Variants in TLK1 observed in about 807,000 individuals in gnomAD.
The protein encoded by TLK1 is serine/threonine-protein kinase tousled-like 1.
Under a neutral mutation model 105.3 loss-of-function variants are expected in TLK1, and 24 were observed. The observed-to-expected ratio is 0.23, with a 90% CI of 0.17 to 0.32. The LOEUF (loss-of-function observed/expected upper bound fraction) is 0.32, where lower values mean the gene tolerates loss of function less well. TLK1 is among the 10% of genes least tolerant of loss of function. TLK1 has a pLI of 1.00. For synonymous variants in TLK1, 321 were observed against 310.4 expected, an observed-to-expected ratio of 1.03 and a Z score of -0.36; for missense variants, 558 against 910.5, an observed-to-expected ratio of 0.61 and a Z score of 4.98.
At chr2:171,177,602 A>C (rs34453397) in intron 1 of TLK1, among the ~76,000 whole-genome samples, 32,239 of 152,090 alleles carry the variant, frequency 0.21, 4,100 homozygotes, top group Non-Finnish European at 0.29. Flanking sequence ...GTCATCAAAG[A>C]TATACTTTAC....
chr2:171,161,974 G>A (rs958371224), upstream of TLK1, among the ~76,000 whole-genome samples: 2 of 152,186 alleles, frequency 1.3e-5, no homozygotes, highest in Non-Finnish European at 2.9e-5. Flanking sequence ...CAGACAAGAG[G>A]AAATGGCATG....
At chr2:171,023,768 TTA>T (rs1685645041) in intron 12 of TLK1, among the ~76,000 whole-genome samples, 1 of 152,212 alleles carries the variant, frequency 6.6e-6, no homozygotes, top group Non-Finnish European at 1.5e-5. Context: ...GATTGTATTT[TTA>T]GTTTTATGTG....
intron 1 of TLK1, among the ~76,000 whole-genome samples, chr2:171,155,260 C>T (rs1414073946): frequency 1.3e-5 from 2 of 151,970 alleles, no homozygotes; most frequent in Non-Finnish European, 2.9e-5. Context: ...GAAAATCAGC[C>T]CCCATAGTAT....
intron 8 of TLK1, among the ~76,000 whole-genome samples, chr2:171,051,528 T>A (rs182966818): frequency 7.2e-5 from 11 of 152,168 alleles, no homozygotes; most frequent in African/African-American, 2.7e-4. Context: ...AATAGATATA[T>A]TGAACCTTGA....
At chr2:171,076,895 C>T (rs1048383255) in intron 3 of TLK1, among the ~76,000 whole-genome samples, 15 of 151,342 alleles carry the variant, frequency 9.9e-5, no homozygotes, top group Non-Finnish European at 2.2e-4. Context: ...GCCTAGGCAA[C>T]GAGTGAGACT....
intron 13 of TLK1, among the ~76,000 whole-genome samples, chr2:171,011,932 G>T (rs986641361): frequency 1.3e-5 from 2 of 151,146 alleles, no homozygotes; most frequent in Non-Finnish European, 3.0e-5. Flanking sequence ...ATTTTAAAAA[G>T]ATTTTTTAAA....
intron 11 of TLK1, among the ~76,000 whole-genome samples, chr2:171,035,663 G>C (rs1686294138): frequency 6.6e-6 from 1 of 152,166 alleles, no homozygotes; most frequent in African/African-American, 2.4e-5. Flanking sequence ...AAAATTAAGG[G>C]TAGCAGGTGA....
rs919849849 is a variant in TLK1, at chr2:171,129,655, C to T, written c.140-11798G>A. 2.6e-5 allele frequency among the ~76,000 whole-genome samples: 4 copies of T among 151,808 alleles called. No individual in the cohort carries two copies. The South Asian group carries it at 6.2e-4, about 24-fold the overall frequency. ...GGAGTTCGAGACCAGCCTGGGCAACCTGAAGAGACCCCATCTCTACAAAAA... is the reference window on the plus strand; with the variant it reads ...GGAGTTCGAGACCAGCCTGGGCAACTTGAAGAGACCCCATCTCTACAAAAA... On this transcript the variant is annotated intron_variant, in intron 1 of 20. Transcript: ENST00000431350.
chr2:171,100,479 T>C (rs1362625668), intron 2 of TLK1, among the ~76,000 whole-genome samples: 1 of 152,154 alleles, frequency 6.6e-6, no homozygotes, highest in Non-Finnish European at 1.5e-5. Flanking sequence ...ACATATCCAC[T>C]TCCCCTTTGA....
chr2:171,168,612 T>G (rs753084333), intron 1 of TLK1, among the ~76,000 whole-genome samples: 2 of 151,946 alleles, frequency 1.3e-5, no homozygotes, highest in Non-Finnish European at 2.9e-5. Context: ...GAATTCATAG[T>G]TTGGAAGATA....
At chr2:171,077,238 G>T (rs1198286027) in intron 3 of TLK1, among the ~76,000 whole-genome samples, 1 of 152,168 alleles carries the variant, frequency 6.6e-6, no homozygotes, top group Non-Finnish European at 1.5e-5. Context: ...CAATTCAGGG[G>T]AAAGATGTTC....
intron 11 of TLK1, among the ~76,000 whole-genome samples, chr2:171,042,315 T>C (rs937540862): frequency 1.3e-5 from 2 of 152,154 alleles, no homozygotes; most frequent in African/African-American, 2.4e-5. Flanking sequence ...GGAGTGATCA[T>C]AGCTCACTGT....
chr2:171,228,616 T>A (rs1383133419), intron 1 of TLK1, among the ~76,000 whole-genome samples: 2 of 152,208 alleles, frequency 1.3e-5, no homozygotes. Context: ...TGTGGTCACT[T>A]TACAGATGGG....
At chr2:171,091,480 C>T (rs1399259043) in intron 2 of TLK1, 1 of 152,188 alleles carries the variant, frequency 6.6e-6, no homozygotes, top group South Asian at 2.1e-4. Flanking sequence ...ATTCCAATTT[C>T]ATGACAGCAA....
At chr2:171,105,559 G>A (rs562237944) in intron 2 of TLK1, among the ~76,000 whole-genome samples, 5 of 151,998 alleles carry the variant, frequency 3.3e-5, no homozygotes, top group South Asian at 2.1e-4. Flanking sequence ...GGTGGCGTGC[G>A]CCTGTAGTCC....
chr2:171,201,893 GCTATCAT>G (rs1282407215), intron 1 of TLK1, among the ~76,000 whole-genome samples: 2 of 142,440 alleles, frequency 1.4e-5, no homozygotes, highest in African/African-American at 5.2e-5. Context: ...CCATTTATCA[GCTATCAT>G]CTATCTATCT....
intron 1 of TLK1, among the ~76,000 whole-genome samples, chr2:171,213,821 CA>C (rs1693663381): frequency 6.9e-6 from 1 of 144,606 alleles, no homozygotes; most frequent in South Asian, 2.4e-4. Flanking sequence ...CTCCTGGGCT[CA>C]AATGATCCTC....
intron 1 of TLK1, among the ~76,000 whole-genome samples, chr2:171,118,770 A>G (rs1266145249): frequency 1.3e-5 from 2 of 152,194 alleles, no homozygotes; most frequent in African/African-American, 4.8e-5. Context: ...TGACTTGGGG[A>G]ACATTTTTGA....
intron 3 of TLK1, among the ~76,000 whole-genome samples, chr2:171,077,012 T>G (rs968402032): frequency 1.3e-5 from 2 of 152,158 alleles, no homozygotes; most frequent in Non-Finnish European, 2.9e-5. Context: ...AGCCAGCAGG[T>G]CAGGTACATG....
Sources: gnomAD v4.1 joint callset for allele counts (sites outside exome capture counted in the v4.1 genomes callset) on GRCh38, gnomAD v4.1.1 for gene constraint, MANE v1.5 for transcripts, NCBI Gene and HGNC (gene_info 2026-07-23, HGNC 2026-07-21) for gene names.